The following MTUS2 variants were observed in gnomAD, a reference collection of about 807,000 sequenced individuals.
The protein encoded by MTUS2 is microtubule-associated tumor suppressor candidate 2.
Under a neutral mutation model 114.1 loss-of-function variants are expected in MTUS2, and 40 were observed. The observed-to-expected ratio is 0.35, with a 90% confidence interval of 0.27 to 0.46. The LOEUF is 0.46. MTUS2 is among the 20% of genes least tolerant of loss of function. The pLI, the probability that MTUS2 is intolerant of heterozygous loss-of-function variation, is 1.00. For synonymous variants in MTUS2, 688 were observed against 672.0 expected, an observed-to-expected ratio of 1.02 and a Z score of -0.37; for missense variants, 1,679 against 1,705.4, an observed-to-expected ratio of 0.98 and a Z score of 0.27.
chr13:28,948,087 A>G (rs532891668), intron 2 of MTUS2, among the ~76,000 whole-genome samples: 74 of 152,324 alleles, frequency 4.9e-4, no homozygotes, highest in African/African-American at 1.7e-3. Flanking sequence ...TATTTATGCA[A>G]TCAAAAATTA....
At chr13:29,074,063 T>C (rs1740456540) in intron 4 of MTUS2, among the ~76,000 whole-genome samples, 1 of 152,068 alleles carries the variant, frequency 6.6e-6, no homozygotes, top group African/African-American at 2.4e-5. Flanking sequence ...TTCCCTGTCT[T>C]CAGCCTTGCC....
intron 8 of MTUS2, among the ~76,000 whole-genome samples, chr13:29,362,803 A>G (rs1870378294): frequency 6.6e-6 from 1 of 152,248 alleles, no homozygotes; most frequent in Non-Finnish European, 1.5e-5. Flanking sequence ...TGTTGGAAGT[A>G]AGCCTCACCA....
At chr13:28,910,809 C>G (rs1880371209) in intron 2 of MTUS2, among the ~76,000 whole-genome samples, 2 of 122,506 alleles carry the variant, frequency 1.6e-5, no homozygotes, top group African/African-American at 6.3e-5. Flanking sequence ...GATTCCATGT[C>G]TTTGCTATTG....
chr13:28,875,940 G>C (rs1877902315), intron 2 of MTUS2, among the ~76,000 whole-genome samples: 1 of 152,186 alleles, frequency 6.6e-6, no homozygotes. Context: ...GATGAGACTT[G>C]GCTGGGTAGC....
At chr13:29,122,641 C>A (rs971508905) in intron 5 of MTUS2, among the ~76,000 whole-genome samples, 1 of 152,132 alleles carries the variant, frequency 6.6e-6, no homozygotes, top group African/African-American at 2.4e-5. Context: ...ATGGGGAGAG[C>A]ATTCCACTGG....
At chr13:29,498,391 A>G in intron 13 of MTUS2, 27 bp from the exon 14 acceptor site, 1 of 1,612,584 alleles carries the variant, frequency 6.2e-7, no homozygotes, top group South Asian at 1.1e-5. Flanking sequence ...ATCCTGGTCA[A>G]CAGCTCATGG....
intron 2 of MTUS2, among the ~76,000 whole-genome samples, chr13:28,889,714 C>CT (rs1878804195): frequency 6.6e-6 from 1 of 152,050 alleles, no homozygotes; most frequent in Admixed American, 6.6e-5. Context: ...CTGAGATGCT[C>CT]TAATTTTGTG....
intron 2 of MTUS2, among the ~76,000 whole-genome samples, chr13:28,898,372 T>G (rs1879416465): frequency 6.6e-6 from 1 of 152,190 alleles, no homozygotes; most frequent in African/African-American, 2.4e-5. Flanking sequence ...AAACCTTTCT[T>G]GTCTCAGCTT....
chr13:29,186,234 G>T (rs1202961141), intron 5 of MTUS2, among the ~76,000 whole-genome samples: 1 of 152,074 alleles, frequency 6.6e-6, no homozygotes, highest in East Asian at 1.9e-4. Context: ...TTTTTAAATT[G>T]TTAAAGATAG....
At chr13:29,416,032 C>T (rs1000248246) in intron 8 of MTUS2, among the ~76,000 whole-genome samples, 1 of 151,792 alleles carries the variant, frequency 6.6e-6, no homozygotes, top group African/African-American at 2.4e-5. Flanking sequence ...TCTCCTGCCT[C>T]AGCCTCCCGA....
At chr13:28,956,056 C>A (rs961534310) in intron 2 of MTUS2, among the ~76,000 whole-genome samples, 3 of 130,414 alleles carry the variant, frequency 2.3e-5, no homozygotes, top group Non-Finnish European at 5.1e-5. Flanking sequence ...TGTCTCTTGC[C>A]CCCCCCCATC....
chr13:29,454,068 A>T (rs755322563), intron 9 of MTUS2, among the ~76,000 whole-genome samples: 24 of 152,206 alleles, frequency 1.6e-4, no homozygotes, highest in Non-Finnish European at 2.6e-4. Context: ...TCTCTTTTTG[A>T]TAAGAATTGC....
rs1399209347 is a variant in MTUS2, at chr13:29,069,518, T to TA, written c.2447-31250dup. Among the ~76,000 whole-genome samples the TA allele has an allele frequency of 2.6e-5, 4 of 151,548 alleles. No homozygotes were observed. The East Asian group carries it at 7.7e-4, about 29-fold the overall frequency. ...AACCAATTCAAATGCTAATATCTTC[T>TA]AAAAACACCCTCACAGACACACCAG... On this transcript the variant is annotated intron_variant, in intron 4 of 15. Coordinates refer to ENST00000612955, the MANE Select transcript of MTUS2 (RefSeq NM_001033602.4).
intron 2 of MTUS2, among the ~76,000 whole-genome samples, chr13:28,904,611 A>G (rs1186130864): frequency 6.6e-6 from 1 of 152,068 alleles, no homozygotes; most frequent in Non-Finnish European, 1.5e-5. Flanking sequence ...CCATTGGTCT[A>G]TATCTCTGTT....
At chr13:29,319,694 A>G (rs995033321) in intron 6 of MTUS2, among the ~76,000 whole-genome samples, 1 of 152,124 alleles carries the variant, frequency 6.6e-6, no homozygotes, top group African/African-American at 2.4e-5. Context: ...AGAGGAGGGA[A>G]GGGTTGATTC....
intron 5 of MTUS2, among the ~76,000 whole-genome samples, chr13:29,277,960 CTATGT>C (rs374735288): frequency 1.6e-4 from 24 of 152,280 alleles, no homozygotes; most frequent in South Asian, 2.1e-4. Flanking sequence ...TAAACTTTTG[CTATGT>C]TAAGTACTGA....
intron 5 of MTUS2, among the ~76,000 whole-genome samples, chr13:29,207,208 C>A (rs1377761667): frequency 6.6e-6 from 1 of 152,016 alleles, no homozygotes; most frequent in African/African-American, 2.4e-5. Context: ...GGGTTGAGTT[C>A]TTTAATTGAT....
intron 9 of MTUS2, among the ~76,000 whole-genome samples, chr13:29,473,556 T>C (rs1384504454): frequency 6.6e-6 from 1 of 152,226 alleles, no homozygotes; most frequent in Admixed American, 6.5e-5. Flanking sequence ...GGTAGATTGA[T>C]ATCTTTATAT....
chr13:29,343,250 G>A (rs552451454), intron 7 of MTUS2, among the ~76,000 whole-genome samples: 17 of 152,038 alleles, frequency 1.1e-4, no homozygotes, highest in African/African-American at 3.6e-4. Context: ...TTCTTTGAAC[G>A]TCTCATAGAA....
Sources: gnomAD v4.1 joint callset for allele counts (sites outside exome capture counted in the v4.1 genomes callset) on GRCh38, gnomAD v4.1.1 for gene constraint, MANE v1.5 for transcripts, NCBI Gene and HGNC (gene_info 2026-07-23, HGNC 2026-07-21) for gene names.